ADAMTS8: variants seen among roughly 807,000 people sequenced by gnomAD.
ADAMTS8 encodes the protein ADAM metallopeptidase with thrombospondin type 1 motif 8.
Under a neutral mutation model 64.4 loss-of-function variants are expected in ADAMTS8, and 50 were observed. The ratio of observed to expected loss-of-function variants is 0.78; its 90% CI spans 0.62 to 0.98. ADAMTS8 has a LOEUF of 0.98. Ranked by LOEUF, ADAMTS8 falls within the 50% of genes least tolerant of loss-of-function variation. ADAMTS8 has a pLI of 0.00. For synonymous variants in ADAMTS8, 556 were observed against 533.6 expected (o/e 1.04, Z -0.58); for missense variants, 1,192 against 1,208.2 (o/e 0.99, Z 0.20).
intron 1 of ADAMTS8, among the ~76,000 whole-genome samples, chr11:130,424,911 G>A (rs1382746599): frequency 6.6e-6 from 1 of 152,076 alleles, no homozygotes; most frequent in Non-Finnish European, 1.5e-5. Flanking sequence ...TGGAGGTGGC[G>A]GGGCTAGTCT....
chr11:130,414,431 T>C (rs1565375994), intron 5 of ADAMTS8, 100 bp downstream of exon 5: 4 of 1,401,510 alleles, frequency 2.9e-6, no homozygotes, highest in African/African-American at 1.4e-5. Flanking sequence ...GGTTCATGAC[T>C]CTCAAGTGTG....
intron 1 of ADAMTS8, among the ~76,000 whole-genome samples, chr11:130,422,830 G>A (rs954571861): frequency 8.5e-5 from 13 of 152,180 alleles, no homozygotes; most frequent in Admixed American, 3.3e-4. Context: ...CCGGCACTCT[G>A]ATGGCATGGC....
rs375205473 is a variant in ADAMTS8, at chr11:130,427,681, T to A, written c.606A>T (p.Pro202=). The A allele has an allele frequency of 8.8e-5, 141 of 1,596,216 alleles. No homozygotes were observed. The highest frequency in any genetic ancestry group is 1.1e-4 in the Non-Finnish European group (133 of 1,173,088). Residue 202 remains proline (P), a synonymous_variant, in exon 1 of 9, where the codon CCA becomes CCT. Coordinates refer to ENST00000257359, the MANE Select transcript of ADAMTS8 (RefSeq NM_007037.6). ...EEEAEGASEP[P]PPLGATSRTK... ...TCCTACTCGTGGCCCCCAGGGGCGG[T>A]GGCGGCTCGCTAGCGCCTTCTGCCT...
Position 130,428,522 on chromosome 11 carries a change from CCCCGG to C in ADAMTS8, c.-241_-237del. The stretch of plus-strand genomic sequence containing the variant: ...CCCCGAGCCGAGCGCGAGCAGCTGG[CCCCGG>C]CCCGCGTGCGCCCGTCCTCCGCCCC... On this transcript the variant is annotated 5_prime_UTR_variant, in exon 1 of 9. Transcript: ENST00000257359. 1.1e-6 allele frequency: 1 copy of C among 893,588 alleles called. No individual in the cohort carries two copies. The highest frequency in any genetic ancestry group is 5.6e-4 in the Middle Eastern group (1 of 1,782). 55.4% of individuals were successfully genotyped at this position (893,588 alleles called of 1,614,324 possible).
In ADAMTS8 at chr11:130,414,860, G is replaced by A. The variant is rs774654287; in HGVS notation, c.1265-28C>T. On this transcript the variant is annotated intron_variant, in intron 4 of 8. Coordinates refer to ENST00000257359, the MANE Select transcript of ADAMTS8 (RefSeq NM_007037.6). Reference sequence around the variant, plus strand: ...GGGAAAAGAGGAAGCAGGGGTGTAAGAACATGCACAGGGCTGCCGCCCTCT... The same window carrying A: ...GGGAAAAGAGGAAGCAGGGGTGTAAAAACATGCACAGGGCTGCCGCCCTCT... 5.7e-6 allele frequency: 9 copies of A among 1,574,408 alleles called. No homozygotes were observed. In the South Asian group the frequency reaches 9.3e-5, roughly 16 times the overall value.
chr11:130,415,525 G>T (rs966314264), intron 4 of ADAMTS8, among the ~76,000 whole-genome samples: 82 of 150,034 alleles, frequency 5.5e-4, no homozygotes, highest in African/African-American at 1.6e-3. Flanking sequence ...GGCTGGTCTC[G>T]AACTCCTGAC....
intron 8 of ADAMTS8, among the ~76,000 whole-genome samples, chr11:130,407,480 G>C (rs565587130): frequency 8.2e-4 from 125 of 152,038 alleles, no homozygotes; most frequent in South Asian, 4.4e-3. Flanking sequence ...CAGACAGACA[G>C]ACAGACACAC....
At chr11:130,418,578 TG>T (rs1417221310) in intron 2 of ADAMTS8, among the ~76,000 whole-genome samples, 1 of 152,242 alleles carries the variant, frequency 6.6e-6, no homozygotes, top group Non-Finnish European at 1.5e-5. Context: ...CTTATGAGAC[TG>T]AAGGAGCAGA....
chr11:130,427,331 G>T (rs986401803), intron 1 of ADAMTS8, among the ~76,000 whole-genome samples: 1 of 152,260 alleles, frequency 6.6e-6, no homozygotes, highest in African/African-American at 2.4e-5. Context: ...AACTGGAAGG[G>T]ACCTGGGGGT....
intron 1 of ADAMTS8, among the ~76,000 whole-genome samples, chr11:130,424,707 C>T (rs1212391445): frequency 6.6e-6 from 1 of 152,192 alleles, no homozygotes; most frequent in African/African-American, 2.4e-5. Flanking sequence ...CAGCTGGGCT[C>T]ATGGATCTGT....
chr11:130,407,208 A>C (rs1397610397), intron 8 of ADAMTS8, among the ~76,000 whole-genome samples: 3 of 152,112 alleles, frequency 2.0e-5, no homozygotes, highest in Non-Finnish European at 4.4e-5. Flanking sequence ...TCTCTACTAA[A>C]AATACAAAAA....
chr11:130,426,492 C>T (rs941206641), intron 1 of ADAMTS8, among the ~76,000 whole-genome samples: 3 of 152,188 alleles, frequency 2.0e-5, no homozygotes, highest in Admixed American at 2.0e-4. Context: ...GGAACTATGA[C>T]GTCTGGGCAG....
rs1225506595 is a variant in ADAMTS8 at position 130,428,428 on chromosome 11, G to A, written c.-142C>T. 8.1e-5 allele frequency: 87 copies of A among 1,071,142 alleles called. No homozygotes were observed. Among genetic ancestry groups the A allele is most frequent in the Non-Finnish European group, 9.0e-5 (80 of 886,772 alleles). The allele number at this position is 1,071,142 out of a possible 1,614,324, so 66.4% of individuals were successfully genotyped here. A position where few individuals can be genotyped will look rare whatever the true frequency, so the allele number is the denominator to read the frequency against. On this transcript the variant is annotated 5_prime_UTR_variant, in exon 1 of 9. Coordinates refer to ENST00000257359, the MANE Select transcript of ADAMTS8 (RefSeq NM_007037.6). ...GTGCAAGGCCGACTCGGCCCGCGGG[G>A]CCCGGCGGCGGGAGCGCTCCCCCGG... is the stretch of plus-strand genomic sequence containing the variant.
rs780797952 is a variant in ADAMTS8 at position 130,411,421 on chromosome 11, A to AG, written c.1745dup (p.Asp583Ter). 3.0e-5 allele frequency: 48 copies of AG among 1,613,542 alleles called. No homozygotes were observed. The highest frequency in any genetic ancestry group is 6.8e-6 in the Non-Finnish European group (8 of 1,179,754). ...GCGGCCCTGAGTGGTAATTACCGTC[A>AG]GGGGGGCATTCCTCCGTGTGGCATG... On this transcript the variant is annotated frameshift_variant, in exon 6 of 9. Transcript: ENST00000257359. LOFTEE classifies it high-confidence loss of function. The surrounding 1 kb of genome is among the most constrained non-coding windows in gnomAD (Gnocchi z 4.2).
chr11:130,418,010 A>G (rs535617805), intron 2 of ADAMTS8, among the ~76,000 whole-genome samples: 1 of 146,848 alleles, frequency 6.8e-6, no homozygotes, highest in East Asian at 2.0e-4. Context: ...CAAAAAGCAA[A>G]AAAAAAAAAA....
At chr11:130,426,041 G>A (rs559182022) in intron 1 of ADAMTS8, among the ~76,000 whole-genome samples, 2 of 152,352 alleles carry the variant, frequency 1.3e-5, no homozygotes, top group South Asian at 4.1e-4. Flanking sequence ...GAGGGCTGGT[G>A]CTCCCACCGC....
At chr11:130,421,252 A>C (rs764348490) in intron 1 of ADAMTS8, among the ~76,000 whole-genome samples, 1 of 152,312 alleles carries the variant, frequency 6.6e-6, no homozygotes, top group South Asian at 2.1e-4. Context: ...TCACATCCTC[A>C]GTGAAGACCG....
rs1331382121 is a variant in ADAMTS8, at chr11:130,408,751, C to A, written c.1923+17G>T. 1 of 1,613,726 alleles carries A rather than the reference C, an allele frequency of 6.2e-7. No homozygotes were observed. Among genetic ancestry groups the A allele is most frequent in the Non-Finnish European group, 8.5e-7 (1 of 1,179,926 alleles). Reference sequence around the variant, plus strand: ...TTCCTCCCCATCTCTGGATCTGAGTCCCAGGGTGATTCTCACCTTGGCCTC... The same window carrying A: ...TTCCTCCCCATCTCTGGATCTGAGTACCAGGGTGATTCTCACCTTGGCCTC... On this transcript the variant is annotated intron_variant, in intron 7 of 8. Coordinates refer to ENST00000257359, the MANE Select transcript of ADAMTS8 (RefSeq NM_007037.6).
Position 130,416,041 on chromosome 11 carries a change from A to T in ADAMTS8, c.1264+122T>A. The T allele has an allele frequency of 8.3e-7, 1 of 1,199,272 alleles. No individual in the cohort carries two copies. The highest frequency in any genetic ancestry group is 1.1e-6 in the Non-Finnish European group (1 of 888,222). 74.3% of individuals were successfully genotyped at this position (1,199,272 alleles called of 1,614,324 possible). On this transcript the variant is annotated intron_variant, in intron 4 of 8. Coordinates refer to ENST00000257359, the MANE Select transcript of ADAMTS8 (RefSeq NM_007037.6). This position sits in a 1 kb window ranked among gnomAD's most constrained non-coding sequence, Gnocchi z 4.8. ...GGTGGTGTGAATGCCCCAGCGTGGG[A>T]GGCTGGCCGGGGACTCAGCTCTAAG...
Sources: allele counts gnomAD v4.1 joint callset (sites outside exome capture counted in the v4.1 genomes callset), GRCh38; gene constraint gnomAD v4.1.1; non-coding constraint Gnocchi (gnomAD v3.1); transcripts MANE v1.5; gene names NCBI Gene and HGNC (gene_info 2026-07-23, HGNC 2026-07-21).